Variants in LIMK1 observed in about 807,000 individuals in gnomAD.
The protein encoded by LIMK1 is LIM domain kinase 1, also known as LIM motif-containing protein kinase.
LIMK1 carries 21 observed loss-of-function variants against 77.6 expected under a neutral mutation model. That is an observed-to-expected ratio of 0.27 (90% CI 0.19 to 0.39). The LOEUF (loss-of-function observed/expected upper bound fraction) is 0.39. Among genes scored for constraint, LIMK1 ranks in the 10% least tolerant of loss-of-function variants. The pLI, the probability that LIMK1 is intolerant of heterozygous loss-of-function variation, is 1.00. For missense variants in LIMK1, 696 were observed against 901.6 expected, an observed-to-expected ratio of 0.77 and a Z score of 2.92; for synonymous variants, 358 against 370.0, an observed-to-expected ratio of 0.97 and a Z score of 0.37.
At position 74,088,171 on chromosome 7, in the gene LIMK1, TG is replaced by T. The variant is rs1324792647; in HGVS notation, c.152+2328del. Among the ~76,000 whole-genome samples the T allele has an allele frequency of 1.1e-4, 16 of 152,354 alleles. No individual in the cohort carries two copies. In the East Asian group the frequency reaches 2.1e-3, roughly 20 times the overall value. On this transcript the variant is annotated intron_variant, in intron 2 of 15. Coordinates refer to ENST00000336180, the MANE Select transcript of LIMK1 (RefSeq NM_002314.4). ...ACTTTGCATAGTTAGATATTAGTGC[TG>T]TCTTTGTTTTGCCAGAGAGAAAATT...
intron 5 of LIMK1, among the ~76,000 whole-genome samples, chr7:74,102,292 C>T (rs1434283465): frequency 2.6e-5 from 4 of 151,840 alleles, no homozygotes; most frequent in African/African-American, 9.7e-5. Flanking sequence ...TCGTAACTGC[C>T]ATATTTGGGA....
chr7:74,096,853 G>C, intron 3 of LIMK1, 93 bp downstream of exon 3: 1 of 1,463,610 alleles, frequency 6.8e-7, no homozygotes, highest in African/African-American at 1.4e-5. Context: ...GTCTCTCCTG[G>C]TCTCCTTTTT....
chr7:74,107,215 C>A, intron 8 of LIMK1, 22 bp downstream of exon 8: 1 of 1,589,570 alleles, frequency 6.3e-7, no homozygotes, highest in South Asian at 1.1e-5. Context: ...GCCAGGGTCT[C>A]AGGGGACAGT....
At chr7:74,095,800 A>C (rs1166163019) in intron 2 of LIMK1, among the ~76,000 whole-genome samples, 1 of 151,958 alleles carries the variant, frequency 6.6e-6, no homozygotes, top group African/African-American at 2.4e-5. Context: ...CCGGGAATGT[A>C]GGTCTAACCC....
chr7:74,115,521 C>CCG lies in LIMK1; in HGVS notation c.1411-279_1411-278dup, dbSNP rs371631224. Reference sequence around the variant, plus strand: ...GCGCTTGCAGGAGGGAGCAGTGGGTCCGCCACGACGGTCTGGGGAGCAGGT... The same window carrying CCG: ...GCGCTTGCAGGAGGGAGCAGTGGGTCCGCGCCACGACGGTCTGGGGAGCAGGT... On this transcript the variant is annotated intron_variant, in intron 12 of 15. Transcript: ENST00000336180. 4.8e-4 allele frequency: 189 copies of CCG among 389,878 alleles called. 1 individual carries two copies. The highest frequency in any genetic ancestry group is 3.6e-3 in the African/African-American group (178 of 49,744). The allele number at this position is 389,878 out of a possible 1,614,324, so 24.2% of individuals were successfully genotyped here. A position where few individuals can be genotyped will look rare whatever the true frequency, so the allele number is the denominator to read the frequency against.
rs376860525 is a variant in LIMK1 at position 74,107,866 on chromosome 7, C to T, written c.1066-5C>T. On this transcript the variant is annotated splice_region_variant and splice_polypyrimidine_tract_variant and intron_variant, in intron 8 of 15. Transcript: ENST00000336180. ...TGTCTTCACACCTCTGTGTCCCACA[C>T]GCAGGTGACACACCGTGAGACAGGT... 3 of 1,562,730 alleles carry T rather than the reference C, an allele frequency of 1.9e-6. No homozygotes were observed. Among genetic ancestry groups the T allele is most frequent in the East Asian group, 2.4e-5 (1 of 42,244 alleles).
chr7:74,111,794 G>A, intron 11 of LIMK1, 87 bp downstream of exon 11: 1 of 1,467,342 alleles, frequency 6.8e-7, no homozygotes, highest in Non-Finnish European at 9.5e-7. Context: ...AAAGAGGGCA[G>A]AGGGGGTCGA....
At chr7:74,084,681 A>G (rs1364517157) in intron 1 of LIMK1, among the ~76,000 whole-genome samples, 1 of 152,082 alleles carries the variant, frequency 6.6e-6, no homozygotes, top group African/African-American at 2.4e-5. Context: ...GGCTGGGAGC[A>G]TGACTCATCC....
At position 74,106,177 on chromosome 7, in the gene LIMK1, C is replaced by T. The variant is rs1170965360; in HGVS notation, c.815C>T (p.Pro272Leu). Residue 272 changes from proline to leucine, a missense_variant, in exon 7 of 16, where the codon CCC becomes CTC. Transcript: ENST00000336180. The part of the protein sequence containing the change: ...LGHGLGPETS[P>L]LSSPAYTPSG... ...CACGGGCTGGGGCCTGAGACCAGCC[C>T]CCTGAGCTCTCCGGCTTATACTCCC... 1 of 1,613,912 alleles carries T rather than the reference C, an allele frequency of 6.2e-7. No homozygotes were observed. Among genetic ancestry groups the T allele is most frequent in the Non-Finnish European group, 8.5e-7 (1 of 1,180,036 alleles).
Position 74,084,018 on chromosome 7 carries a change from TG to T in LIMK1, c.30del (p.Trp10Ter). 6.7e-7 allele frequency: 1 copy of T among 1,486,826 alleles called. No homozygotes were observed. Among genetic ancestry groups the T allele is most frequent in the Non-Finnish European group, 9.0e-7 (1 of 1,112,090 alleles). The allele number at this position is 1,486,826 out of a possible 1,614,324, so 92.1% of individuals were successfully genotyped here. ...GAGGTTGACGCTACTTTGTTGCACC[TG>T]GAGGGAAGAACGTATGGGAGAGGAA... The part of the protein sequence containing the change: MRLTLLCCT[W>X]REERMGEEGS... On this transcript the variant is annotated frameshift_variant, in exon 1 of 16. Transcript: ENST00000336180. LOFTEE classifies it high-confidence loss of function.
chr7:74,108,530 CCAG>C (rs548600759), intron 9 of LIMK1, among the ~76,000 whole-genome samples: 1 of 151,832 alleles, frequency 6.6e-6, no homozygotes, highest in African/African-American at 2.4e-5. Flanking sequence ...TGCCTGTCAT[CCAG>C]GCTACTCAGG....
chr7:74,097,534 G>C (rs1799360991), intron 4 of LIMK1, among the ~76,000 whole-genome samples: 1 of 152,178 alleles, frequency 6.6e-6, no homozygotes, highest in Non-Finnish European at 1.5e-5. Flanking sequence ...AAATTAACCA[G>C]GTGTGGTGGC....
intron 5 of LIMK1, 38 bp downstream of exon 5, chr7:74,099,276 C>T (rs1336594391): frequency 6.3e-7 from 1 of 1,581,900 alleles, no homozygotes; most frequent in Non-Finnish European, 8.6e-7. Context: ...GTCGGTGTGG[C>T]TATGGCTGTT....
At chr7:74,095,634 G>T in intron 2 of LIMK1, among the ~76,000 whole-genome samples, 1 of 152,046 alleles carries the variant, frequency 6.6e-6, no homozygotes, top group East Asian at 1.9e-4. Context: ...TCAAACCTCT[G>T]GCCTCAAGTG....
intron 7 of LIMK1, 120 bp from the exon 8 acceptor site, chr7:74,106,890 A>G (rs1799585124): frequency 2.9e-6 from 3 of 1,017,788 alleles, no homozygotes; most frequent in South Asian, 1.8e-5. Flanking sequence ...CTCCCAAAGC[A>G]GGGGGTGATT....
intron 2 of LIMK1, among the ~76,000 whole-genome samples, chr7:74,096,381 G>A (rs1318387203): frequency 6.6e-6 from 1 of 151,938 alleles, no homozygotes; most frequent in African/African-American, 2.4e-5. Context: ...TGTGCCTGTA[G>A]TCCCAGCTAC....
chr7:74,111,302 G>A (rs1462209851), intron 10 of LIMK1: 2 of 262,260 alleles, frequency 7.6e-6, no homozygotes, highest in African/African-American at 4.4e-5. Context: ...GCTGGGTGTG[G>A]TGGCGCATGC....
chr7:74,107,257 C>A, intron 8 of LIMK1, 64 bp downstream of exon 8: 5 of 1,495,160 alleles, frequency 3.3e-6, no homozygotes, highest in Non-Finnish European at 4.5e-6. Context: ...TCCTTCCTTC[C>A]CAGTCTATGG....
intron 9 of LIMK1, among the ~76,000 whole-genome samples, chr7:74,108,521 G>A (rs1466228573): frequency 6.6e-6 from 1 of 151,588 alleles, no homozygotes; most frequent in Non-Finnish European, 1.5e-5. Context: ...GGTGGTGAGT[G>A]CCTGTCATCC....
Sources: allele counts gnomAD v4.1 joint callset (sites outside exome capture counted in the v4.1 genomes callset), GRCh38; gene constraint gnomAD v4.1.1; transcripts MANE v1.5; gene names NCBI Gene and HGNC (gene_info 2026-07-23, HGNC 2026-07-21).